The following SGK3 variants were observed in gnomAD, a reference collection of about 807,000 sequenced individuals.
The protein encoded by SGK3 is serum/glucocorticoid regulated kinase family member 3.
In SGK3, 47 loss-of-function variants were observed where a neutral mutation model predicts 68.5. The observed-to-expected ratio is 0.69, with a 90% CI of 0.54 to 0.87. SGK3 has a LOEUF of 0.87. Among genes scored for constraint, SGK3 ranks in the 40% least tolerant of loss-of-function variants. SGK3 has a pLI of 0.00. For missense variants in SGK3, 479 were observed against 575.5 expected, an observed-to-expected ratio of 0.83 and a Z score of 1.72; for synonymous variants, 181 against 189.1, an observed-to-expected ratio of 0.96 and a Z score of 0.35.
chr8:66,860,768 T>G lies in SGK3; in HGVS notation c.*1187T>G, dbSNP rs1810720469. ...GCAAATAGGTATTTCAAAGCTCTTT[T>G]CCTAACTGGTTAAGTAAAATAAAAA... is the stretch of plus-strand genomic sequence containing the variant. On this transcript the variant is annotated 3_prime_UTR_variant, in exon 17 of 17. Coordinates refer to ENST00000521198, the MANE Select transcript of SGK3 (RefSeq NM_001033578.3). 6.6e-6 allele frequency: 1 copy of G among 152,238 alleles called. No homozygotes were observed. The allele number at this position is 152,238 out of a possible 1,614,324, so 9.4% of individuals were successfully genotyped here. A position where few individuals can be genotyped will look rare whatever the true frequency, so the allele number is the denominator to read the frequency against.
intron 1 of SGK3, among the ~76,000 whole-genome samples, chr8:66,726,676 C>T (rs1804992091): frequency 6.6e-6 from 1 of 151,844 alleles, no homozygotes; most frequent in Non-Finnish European, 1.5e-5. Flanking sequence ...TGACATGTGA[C>T]TGTAGCCCCA....
rs750182381 is a variant in SGK3, at chr8:66,780,865, G to GA, written c.-121-12745dup. On this transcript the variant is annotated intron_variant, in intron 1 of 16. Coordinates refer to ENST00000521198, the MANE Select transcript of SGK3 (RefSeq NM_001033578.3). ...AAAATAAATTGGTCTGGCTACTGGG[G>GA]AAAAAATGGATTGGAGGGAGTTTAG... is the stretch of plus-strand genomic sequence containing the variant. Among the ~76,000 whole-genome samples the GA allele has an allele frequency of 9.2e-5, 14 of 152,240 alleles. No individual in the cohort carries two copies. The South Asian group carries it at 1.5e-3, about 16-fold the overall frequency.
intron 13 of SGK3, among the ~76,000 whole-genome samples, 179 bp downstream of exon 13, chr8:66,841,289 T>C (rs1391458943): frequency 6.6e-6 from 1 of 152,230 alleles, no homozygotes; most frequent in Non-Finnish European, 1.5e-5. Context: ...TAACTGTGAT[T>C]GTTAGATACT....
Position 66,835,147 on chromosome 8 carries a change from G to A in SGK3, c.526-616G>A, listed in dbSNP as rs570643669. On this transcript the variant is annotated intron_variant, in intron 8 of 16. Coordinates refer to ENST00000521198, the MANE Select transcript of SGK3 (RefSeq NM_001033578.3). Reference sequence around the variant, plus strand: ...TAGCCAGGTATGGTGGCACACGCCTGTAGTCCCAGCTATTTGGAAGACTGA... The same window carrying A: ...TAGCCAGGTATGGTGGCACACGCCTATAGTCCCAGCTATTTGGAAGACTGA... 2.6e-4 allele frequency among the ~76,000 whole-genome samples: 39 copies of A among 152,264 alleles called. No individual in the cohort carries two copies. In the South Asian group the frequency reaches 7.7e-3, roughly 30 times the overall value.
chr8:66,716,474 G>A (rs1195393602), intron 1 of SGK3, among the ~76,000 whole-genome samples: 2 of 147,570 alleles, frequency 1.4e-5, no homozygotes, highest in Non-Finnish European at 3.0e-5. Context: ...TTGAGAAATT[G>A]GACAAAGTCC....
intron 1 of SGK3, among the ~76,000 whole-genome samples, chr8:66,761,253 C>T (rs1048681661): frequency 2.6e-5 from 4 of 152,124 alleles, no homozygotes; most frequent in African/African-American, 9.7e-5. Flanking sequence ...GCTGGGACTA[C>T]AGGTGCATGC....
intron 1 of SGK3, among the ~76,000 whole-genome samples, chr8:66,774,683 G>C (rs1806624205): frequency 6.6e-6 from 1 of 152,066 alleles, no homozygotes; most frequent in Non-Finnish European, 1.5e-5. Context: ...ATTTAAGCTC[G>C]GGGTGAGGAT....
intron 1 of SGK3, among the ~76,000 whole-genome samples, chr8:66,715,209 C>T (rs1486503801): frequency 1.3e-5 from 2 of 151,952 alleles, no homozygotes; most frequent in African/African-American, 4.8e-5. Flanking sequence ...GAGTTTAGAA[C>T]GGACACATGG....
At chr8:66,842,422 G>A (rs1176819699) in intron 13 of SGK3, among the ~76,000 whole-genome samples, 2 of 151,860 alleles carry the variant, frequency 1.3e-5, no homozygotes, top group Non-Finnish European at 2.9e-5. Context: ...GGGTTTCACC[G>A]TGTTAGCCAG....
chr8:66,791,531 C>T (rs1419342479), intron 1 of SGK3, among the ~76,000 whole-genome samples: 2 of 152,194 alleles, frequency 1.3e-5, no homozygotes, highest in African/African-American at 4.8e-5. Flanking sequence ...GTTGTCCTGC[C>T]TACCATCTCT....
intron 1 of SGK3, among the ~76,000 whole-genome samples, chr8:66,780,247 A>G (rs1806920210): frequency 6.6e-6 from 1 of 152,184 alleles, no homozygotes; most frequent in Non-Finnish European, 1.5e-5. Flanking sequence ...GTCACTGAAC[A>G]TCTCACTAGC....
chr8:66,829,050 C>G (rs1418555194), intron 7 of SGK3, among the ~76,000 whole-genome samples: 1 of 151,552 alleles, frequency 6.6e-6, no homozygotes, highest in Non-Finnish European at 1.5e-5. Context: ...CTATGAGGTC[C>G]TCTGAAAAAA....
intron 10 of SGK3, among the ~76,000 whole-genome samples, chr8:66,837,438 G>C (rs1263369926): frequency 6.6e-6 from 1 of 152,048 alleles, no homozygotes; most frequent in African/African-American, 2.4e-5. Context: ...ATCATTTTGG[G>C]GGAAGATTGT....
At chr8:66,850,623 G>A (rs1185556058) in intron 15 of SGK3, among the ~76,000 whole-genome samples, 1 of 152,174 alleles carries the variant, frequency 6.6e-6, no homozygotes, top group African/African-American at 2.4e-5. Flanking sequence ...TACAACTTAA[G>A]TTTAAGTAGG....
intron 6 of SGK3, among the ~76,000 whole-genome samples, chr8:66,824,835 C>T (rs1808986610): frequency 6.6e-6 from 1 of 151,514 alleles, no homozygotes; most frequent in Non-Finnish European, 1.5e-5. Context: ...GTATGATTTA[C>T]AGTCAGTTTT....
chr8:66,796,168 C>A (rs6472286), intron 2 of SGK3, among the ~76,000 whole-genome samples: 17,001 of 151,490 alleles, frequency 0.11, 1,099 homozygotes, highest in African/African-American at 0.19. Context: ...GACAGAATCT[C>A]GCTCTGTCGC....
At chr8:66,763,307 C>T (rs966459221) in intron 1 of SGK3, among the ~76,000 whole-genome samples, 1 of 152,046 alleles carries the variant, frequency 6.6e-6, no homozygotes, top group African/African-American at 2.4e-5. Context: ...TTTACATGTT[C>T]GATATATTTC....
At chr8:66,718,088 T>C (rs1188246233) in intron 1 of SGK3, among the ~76,000 whole-genome samples, 1 of 151,858 alleles carries the variant, frequency 6.6e-6, no homozygotes, top group African/African-American at 2.4e-5. Context: ...TGCAATGGCA[T>C]GATCTCGGCT....
intron 1 of SGK3, among the ~76,000 whole-genome samples, chr8:66,755,453 C>T (rs1805948472): frequency 6.6e-6 from 1 of 152,060 alleles, no homozygotes; most frequent in Admixed American, 6.6e-5. Flanking sequence ...TGGAATATTC[C>T]ACTTGTGGCA....
Sources: allele counts gnomAD v4.1 joint callset (sites outside exome capture counted in the v4.1 genomes callset), GRCh38; gene constraint gnomAD v4.1.1; transcripts MANE v1.5; gene names NCBI Gene and HGNC (gene_info 2026-07-23, HGNC 2026-07-21).